Variants in CECR2 observed in about 807,000 individuals in gnomAD.
CECR2 encodes the protein chromatin remodeling regulator CECR2.
A neutral mutation model predicts 154.5 loss-of-function variants in CECR2; 30 were observed. The ratio of observed to expected loss-of-function variants is 0.19; its 90% CI spans 0.15 to 0.26. The LOEUF is 0.26. Among genes scored for constraint, CECR2 ranks in the 10% least tolerant of loss-of-function variants. The pLI is 1.00. For missense variants in CECR2, 1,743 were observed against 1,829.3 expected (o/e 0.95, Z 0.86); for synonymous variants, 725 against 683.7 (o/e 1.06, Z -0.94).
At chr22:17,387,541 C>A (rs2063278326) in intron 1 of CECR2, among the ~76,000 whole-genome samples, 2 of 152,142 alleles carry the variant, frequency 1.3e-5, no homozygotes, top group African/African-American at 4.8e-5. Flanking sequence ...TGGCGTGTGT[C>A]CAGCAGGAGC....
intron 2 of CECR2, among the ~76,000 whole-genome samples, chr22:17,488,213 T>G (rs2055459195): frequency 6.6e-6 from 1 of 152,172 alleles, no homozygotes; most frequent in Non-Finnish European, 1.5e-5. Context: ...GATCTAGCAT[T>G]GCGTAATAGA....
chr22:17,399,416 ATTTTTTT>A (rs67470861), intron 1 of CECR2, among the ~76,000 whole-genome samples: 2 of 126,388 alleles, frequency 1.6e-5, no homozygotes, highest in Non-Finnish European at 3.4e-5. Context: ...AGTAATGGTG[ATTTTTTT>A]TTTTTTTTTT....
At chr22:17,542,083 C>T in intron 15 of CECR2, 74 bp from the exon 16 acceptor site, 1 of 1,572,130 alleles carries the variant, frequency 6.4e-7, no homozygotes, top group Non-Finnish European at 8.6e-7. Flanking sequence ...AGAGTCTGTT[C>T]CCATAGAGAA....
intron 13 of CECR2, 43 bp from the exon 14 acceptor site, chr22:17,540,369 C>A (rs369496622): frequency 6.9e-7 from 1 of 1,449,668 alleles, no homozygotes; most frequent in Admixed American, 2.7e-5. Flanking sequence ...TAAACAATTT[C>A]TGTAAACTAT....
At chr22:17,446,359 C>T (rs567879088) in intron 1 of CECR2, among the ~76,000 whole-genome samples, 5 of 152,114 alleles carry the variant, frequency 3.3e-5, no homozygotes, top group Non-Finnish European at 1.5e-5. Context: ...CCGGTGGGTT[C>T]TTGGTCTCAC....
At chr22:17,402,367 A>G (rs1451271861) in intron 1 of CECR2, among the ~76,000 whole-genome samples, 1 of 152,250 alleles carries the variant, frequency 6.6e-6, no homozygotes, top group Non-Finnish European at 1.5e-5. Context: ...GCACAGAGAA[A>G]GACTTCATGT....
intron 8 of CECR2, among the ~76,000 whole-genome samples, chr22:17,512,488 T>C (rs1286460292): frequency 6.6e-6 from 1 of 151,942 alleles, no homozygotes; most frequent in Non-Finnish European, 1.5e-5. Context: ...GGATTTCTTG[T>C]ACTCACGAGT....
At chr22:17,428,933 A>G (rs938842653) in intron 1 of CECR2, among the ~76,000 whole-genome samples, 8 of 151,744 alleles carry the variant, frequency 5.3e-5, no homozygotes, top group Admixed American at 3.3e-4. Context: ...AGAACAGGAG[A>G]GGGGTTGTGG....
intron 9 of CECR2, among the ~76,000 whole-genome samples, chr22:17,525,631 T>G (rs2056251993): frequency 6.6e-6 from 1 of 152,182 alleles, no homozygotes. Context: ...CCTTAGTGCA[T>G]ATAATCTACA....
rs774653271 is a variant in CECR2 at position 17,477,694 on chromosome 22, T to C, written c.221+12T>C. 8 of 1,575,680 alleles carry C rather than the reference T, an allele frequency of 5.1e-6. No homozygotes were observed. In the Admixed American group the frequency reaches 6.7e-5, roughly 13 times the overall value. On this transcript the variant is annotated intron_variant, in intron 2 of 18. Transcript: ENST00000262608. ...CGAAGAGATATCACGTGAGTAATTC[T>C]GATCTTTCTAAGCATTTCTTGCGCC... is the stretch of plus-strand genomic sequence containing the variant.
intron 10 of CECR2, 143 bp downstream of exon 10, chr22:17,537,375 CACACAGACACGCCTAGCT>C (rs923746684): frequency 1.9e-5 from 17 of 905,068 alleles, no homozygotes; most frequent in Non-Finnish European, 2.9e-5. Flanking sequence ...GGGCCCTGCA[CACACAGACACGCCTAGCT>C]ACCCTGGCCT....
At chr22:17,538,810 A>G in intron 12 of CECR2, 79 bp downstream of exon 12, 3 of 1,340,998 alleles carry the variant, frequency 2.2e-6, no homozygotes, top group South Asian at 2.7e-5. Context: ...GTTGTTAAAT[A>G]TATATATATT....
chr22:17,416,186 C>T (rs913778014), intron 1 of CECR2, among the ~76,000 whole-genome samples: 2 of 152,120 alleles, frequency 1.3e-5, no homozygotes, highest in Non-Finnish European at 2.9e-5. Flanking sequence ...AAAATATGTT[C>T]GCATATATAG....
At chr22:17,500,253 G>A (rs1010647187) in intron 4 of CECR2, among the ~76,000 whole-genome samples, 3 of 150,268 alleles carry the variant, frequency 2.0e-5, no homozygotes, top group African/African-American at 4.9e-5. Flanking sequence ...GTTTATGAAC[G>A]TTAGTATCCA....
chr22:17,462,927 A>G (rs2054965942), intron 1 of CECR2, among the ~76,000 whole-genome samples: 1 of 152,234 alleles, frequency 6.6e-6, no homozygotes. Context: ...AATTTATTAA[A>G]TACTCACTGT....
intron 1 of CECR2, among the ~76,000 whole-genome samples, chr22:17,461,679 G>T (rs372052369): frequency 7.2e-5 from 11 of 152,096 alleles, no homozygotes; most frequent in Admixed American, 2.0e-4. Context: ...GTCAGTCTTC[G>T]TTCCAGATGT....
intron 17 of CECR2, among the ~76,000 whole-genome samples, chr22:17,550,020 A>G (rs1344226172): frequency 6.6e-6 from 1 of 152,016 alleles, no homozygotes; most frequent in East Asian, 1.9e-4. Context: ...TTGATGTTGT[A>G]CACTCTGTAG....
chr22:17,409,777 A>G (rs1444153784), intron 1 of CECR2, among the ~76,000 whole-genome samples: 2 of 110,652 alleles, frequency 1.8e-5, no homozygotes, highest in African/African-American at 6.0e-5. Context: ...TCTCTATCCT[A>G]TGCATTCTTG....
At chr22:17,365,453 G>A (rs2062997058), upstream of CECR2, among the ~76,000 whole-genome samples, 1 of 152,202 alleles carries the variant, frequency 6.6e-6, no homozygotes, top group African/African-American at 2.4e-5. Flanking sequence ...CTAGTACTTT[G>A]GGAGGCCAAG....
Sources: allele counts gnomAD v4.1 joint callset (sites outside exome capture counted in the v4.1 genomes callset), GRCh38; gene constraint gnomAD v4.1.1; transcripts MANE v1.5; gene names NCBI Gene and HGNC (gene_info 2026-07-23, HGNC 2026-07-21).